The following DHCR24 variants were observed in gnomAD, a reference collection of about 807,000 sequenced individuals.
The protein encoded by DHCR24 is 24-dehydrocholesterol reductase, also known as delta(24)-sterol reductase.
DHCR24 carries 28 observed loss-of-function variants against 61.2 expected under a neutral mutation model. The observed-to-expected ratio is 0.46, with a 90% CI of 0.34 to 0.63. DHCR24 has a LOEUF of 0.63. DHCR24 is among the 20% of genes least tolerant of loss of function. The pLI is 0.01. For synonymous variants in DHCR24, 261 were observed against 275.9 expected, an observed-to-expected ratio of 0.95 and a Z score of 0.54; for missense variants, 538 against 679.1, an observed-to-expected ratio of 0.79 and a Z score of 2.31.
At chr1:54,872,264 C>G (rs1647004528) in intron 4 of DHCR24, among the ~76,000 whole-genome samples, 1 of 152,218 alleles carries the variant, frequency 6.6e-6, no homozygotes, top group African/African-American at 2.4e-5. Context: ...CCTACAACAC[C>G]TCATCTGCTT....
At chr1:54,852,931 T>G (rs1477510506) in intron 8 of DHCR24, among the ~76,000 whole-genome samples, 1 of 152,222 alleles carries the variant, frequency 6.6e-6, no homozygotes, top group Non-Finnish European at 1.5e-5. Context: ...TTGGGAATTT[T>G]ATATGAAAGG....
intron 4 of DHCR24, among the ~76,000 whole-genome samples, chr1:54,873,523 G>C (rs918887026): frequency 6.6e-6 from 1 of 152,216 alleles, no homozygotes; most frequent in Non-Finnish European, 1.5e-5. Context: ...AGAAGGCATT[G>C]TTGTCAGAGA....
At chr1:54,868,724 A>G (rs1646981160) in intron 5 of DHCR24, among the ~76,000 whole-genome samples, 1 of 150,944 alleles carries the variant, frequency 6.6e-6, no homozygotes, top group Admixed American at 6.6e-5. Flanking sequence ...GATATTAACA[A>G]TGACGGTTAT....
chr1:54,856,431 T>C (rs1646907837), intron 6 of DHCR24, among the ~76,000 whole-genome samples: 1 of 152,172 alleles, frequency 6.6e-6, no homozygotes, highest in Non-Finnish European at 1.5e-5. Flanking sequence ...ACCCTGTCTC[T>C]ACTAAAAACA....
intron 6 of DHCR24, among the ~76,000 whole-genome samples, chr1:54,859,597 T>TG (rs2101560433): frequency 6.6e-6 from 1 of 152,252 alleles, no homozygotes; most frequent in South Asian, 2.1e-4. Flanking sequence ...CCCTTGTAGC[T>TG]GGGATTACAG....
At chr1:54,871,028 G>A (rs1463184911) in intron 5 of DHCR24, among the ~76,000 whole-genome samples, 1 of 152,204 alleles carries the variant, frequency 6.6e-6, no homozygotes, top group Non-Finnish European at 1.5e-5. Flanking sequence ...TTACAGGTGT[G>A]AGCCACTGTG....
In DHCR24 at chr1:54,886,557, C is replaced by A. The variant is rs1486236475; in HGVS notation, c.231+332G>T. ...TTTCCCATACTTCCCAATCTCTAGACCCAGCTCCACCTCCCGGAAGCCTTT... is the reference window on the plus strand; with the variant it reads ...TTTCCCATACTTCCCAATCTCTAGAACCAGCTCCACCTCCCGGAAGCCTTT... On this transcript the variant is annotated intron_variant, in intron 1 of 8. Coordinates refer to ENST00000371269, the MANE Select transcript of DHCR24 (RefSeq NM_014762.4). The A allele has an allele frequency of 6.0e-6, 8 of 1,327,424 alleles. No homozygotes were observed. The Admixed American group carries it at 6.6e-5, about 11-fold the overall frequency. The allele number at this position is 1,327,424 out of a possible 1,614,324, so 82.2% of individuals were successfully genotyped here.
In DHCR24 at chr1:54,852,288, C is replaced by A; in HGVS notation, c.1496G>T (p.Cys499Phe). Reference protein sequence around the residue: ...LYHKLREKLGCQDAFPEVYDK... With the variant: ...LYHKLREKLGFQDAFPEVYDK... ...GTACACCTCGGGGAAGGCGTCCTGG[C>A]AACCCAGCTTCTCTCGCAGCTTGTG... is the stretch of plus-strand genomic sequence containing the variant. The change falls in exon 9 of 9, where the codon TGC (cysteine) becomes TTC (phenylalanine). Residue 499 changes from cysteine (C) to phenylalanine (F), a missense_variant. Physicochemically the swap from Cys to Phe is radical, Grantham distance 205 (BLOSUM62 -2). Coordinates refer to ENST00000371269, the MANE Select transcript of DHCR24 (RefSeq NM_014762.4). 1 of 1,614,224 alleles carries A rather than the reference C, an allele frequency of 6.2e-7. No homozygotes were observed. Among genetic ancestry groups the A allele is most frequent in the Non-Finnish European group, 8.5e-7 (1 of 1,180,040 alleles).
chr1:54,851,050 A>G lies in DHCR24; in HGVS notation c.*1183T>C, dbSNP rs1646872691. The G allele has an allele frequency of 6.6e-6, 1 of 152,634 alleles. No individual in the cohort carries two copies. Among genetic ancestry groups the G allele is most frequent in the African/African-American group, 2.4e-5 (1 of 41,436 alleles). The allele number at this position is 152,634 out of a possible 1,614,324, so 9.5% of individuals were successfully genotyped here. On this transcript the variant is annotated 3_prime_UTR_variant, in exon 9 of 9. Transcript: ENST00000371269. Reference sequence around the variant, plus strand: ...TGCATAAACAACCAAGCTTTGCGTTATAACAAGCCAGGGAAGGACCTAGGG... The same window carrying G: ...TGCATAAACAACCAAGCTTTGCGTTGTAACAAGCCAGGGAAGGACCTAGGG...
Position 54,883,827 on chromosome 1 carries a change from C to G in DHCR24, c.232-54G>C, listed in dbSNP as rs1004491331. 2.5e-6 allele frequency: 4 copies of G among 1,610,652 alleles called. No individual in the cohort carries two copies. Among genetic ancestry groups the G allele is most frequent in the East Asian group, 4.5e-5 (2 of 44,872 alleles). ...GCCCCACTGGGAATCCCCAGAGCAG[C>G]CTGCAGCCCTGCTTTCTTCAAGGGC... On this transcript the variant is annotated intron_variant, in intron 1 of 8. Coordinates refer to ENST00000371269, the MANE Select transcript of DHCR24 (RefSeq NM_014762.4). This position sits in a 1 kb window ranked among gnomAD's most constrained non-coding sequence, Gnocchi z 4.3.
chr1:54,854,279 G>A (rs756749270), intron 6 of DHCR24, 45 bp from the exon 7 acceptor site: 11 of 1,561,410 alleles, frequency 7.0e-6, no homozygotes, highest in African/African-American at 1.4e-5. Context: ...ACCAACAAGG[G>A]TTGAATGTCT....
intron 6 of DHCR24, among the ~76,000 whole-genome samples, chr1:54,856,884 T>C (rs555449264): frequency 3.3e-5 from 5 of 152,330 alleles, no homozygotes; most frequent in African/African-American, 1.2e-4. Flanking sequence ...GTTTCCCTTC[T>C]CCCTTGCCAG....
At chr1:54,878,422 G>C (rs1381924679) in intron 2 of DHCR24, among the ~76,000 whole-genome samples, 1 of 147,336 alleles carries the variant, frequency 6.8e-6, no homozygotes, top group African/African-American at 2.5e-5. Flanking sequence ...GCTGAGGCAG[G>C]AGAATCACTT....
chr1:54,876,496 A>G (rs1368934875), intron 2 of DHCR24, among the ~76,000 whole-genome samples: 2 of 152,078 alleles, frequency 1.3e-5, no homozygotes, highest in African/African-American at 4.8e-5. Context: ...TCTACTAAAA[A>G]TACAAAAATT....
At position 54,871,517 on chromosome 1, in the gene DHCR24, A is replaced by C. The variant is rs1352186475; in HGVS notation, c.709T>G (p.Tyr237Asp). ...AEIRIIPAKK[Y>D]VKLRFEPVRG... ...ACTGGCTCGAAACGCAGCTTGACGT[A>C]CTTCTTGGCAGGGATGATGCGGATC... Residue 237 changes from tyrosine (Y) to aspartate (D), a missense_variant, in exon 5 of 9, where the codon TAC becomes GAC. Tyr to Asp is a radical substitution (Grantham distance 160). Coordinates refer to ENST00000371269, the MANE Select transcript of DHCR24 (RefSeq NM_014762.4). 1 of 1,614,230 alleles carries C rather than the reference A, an allele frequency of 6.2e-7. No individual in the cohort carries two copies. The highest frequency in any genetic ancestry group is 1.1e-5 in the South Asian group (1 of 91,084).
intron 8 of DHCR24, 90 bp downstream of exon 8, chr1:54,853,344 C>T: frequency 6.5e-7 from 1 of 1,546,518 alleles, no homozygotes; most frequent in South Asian, 1.2e-5. Flanking sequence ...CTTGGGGCTC[C>T]TGGTTCTCCA....
At chr1:54,880,779 T>TAAAC (rs34524631) in intron 2 of DHCR24, among the ~76,000 whole-genome samples, 71,348 of 150,312 alleles carry the variant, frequency 0.47, 18,035 homozygotes, top group South Asian at 0.7. Context: ...AACAAAAATA[T>TAAAC]AAACAAACAA....
In DHCR24 at chr1:54,865,968, G is replaced by A. The variant is rs80336900; in HGVS notation, c.877-522C>T. 8.7e-3 allele frequency among the ~76,000 whole-genome samples: 1,324 copies of A among 152,216 alleles called. 54 individuals carry two copies. The East Asian group carries it at 0.12, about 14-fold the overall frequency. ...CAGCACTCCCCAGGCAGCCACCATC[G>A]TCTGGAGGATGCTCACATGAATAAG... On this transcript the variant is annotated intron_variant, in intron 5 of 8. Transcript: ENST00000371269.
intron 6 of DHCR24, among the ~76,000 whole-genome samples, chr1:54,865,069 G>A (rs1646960474): frequency 1.3e-5 from 2 of 152,138 alleles, no homozygotes; most frequent in African/African-American, 4.8e-5. Flanking sequence ...ACCGGCCCAG[G>A]GGCTTACTCC....
Sources: allele counts gnomAD v4.1 joint callset (sites outside exome capture counted in the v4.1 genomes callset), GRCh38; gene constraint gnomAD v4.1.1; non-coding constraint Gnocchi (gnomAD v3.1); transcripts MANE v1.5; gene names NCBI Gene and HGNC (gene_info 2026-07-23, HGNC 2026-07-21).